The following PPP3CC variants were observed in gnomAD, a reference collection of about 807,000 sequenced individuals.
PPP3CC encodes the protein protein phosphatase 3 catalytic subunit gamma.
A neutral mutation model predicts 60.3 loss-of-function variants in PPP3CC; 35 were observed. The ratio of observed to expected loss-of-function variants is 0.58; its 90% CI spans 0.44 to 0.77. The LOEUF (loss-of-function observed/expected upper bound fraction) is 0.77, where lower values mean the gene tolerates loss of function less well. PPP3CC is among the 30% of genes least tolerant of loss of function. The pLI is 0.00. For missense variants in PPP3CC, 570 were observed against 628.9 expected (o/e 0.91, Z 1.00); for synonymous variants, 206 against 224.3 (o/e 0.92, Z 0.73).
chr8:22,528,306 G>A (rs1270624256), intron 9 of PPP3CC, among the ~76,000 whole-genome samples, 200 bp from the exon 10 acceptor site: 1 of 152,162 alleles, frequency 6.6e-6, no homozygotes, highest in Non-Finnish European at 1.5e-5. Flanking sequence ...GACTTTTACT[G>A]GAGCAAGTAA....
intron 2 of PPP3CC, 37 bp from the exon 3 acceptor site, chr8:22,475,463 T>A (rs781505513): frequency 6.3e-7 from 1 of 1,586,578 alleles, no homozygotes. Flanking sequence ...TCTTCTAAGG[T>A]ATAATTTCTC....
chr8:22,476,129 CTT>C (rs1837880970), intron 3 of PPP3CC, among the ~76,000 whole-genome samples: 1 of 152,146 alleles, frequency 6.6e-6, no homozygotes, highest in Non-Finnish European at 1.5e-5. Flanking sequence ...TTAATTAAAA[CTT>C]ATACTTTCCT....
chr8:22,534,034 A>C (rs559816127), intron 12 of PPP3CC, among the ~76,000 whole-genome samples: 1 of 151,932 alleles, frequency 6.6e-6, no homozygotes, highest in Non-Finnish European at 1.5e-5. Flanking sequence ...CCCCACCTCT[A>C]CTAAAAATAC....
intron 10 of PPP3CC, 64 bp downstream of exon 10, chr8:22,528,641 G>A: frequency 8.5e-7 from 1 of 1,177,978 alleles, no homozygotes; most frequent in Non-Finnish European, 1.2e-6. Context: ...AGTTGTTTTA[G>A]TTTATTTTGA....
At chr8:22,464,266 A>G in intron 1 of PPP3CC, among the ~76,000 whole-genome samples, 1 of 152,302 alleles carries the variant, frequency 6.6e-6, no homozygotes, top group East Asian at 1.9e-4. Flanking sequence ...AATTTTTATA[A>G]TCCTTTAAAA....
chr8:22,445,318 A>G (rs906336436), intron 1 of PPP3CC, among the ~76,000 whole-genome samples: 1 of 151,488 alleles, frequency 6.6e-6, no homozygotes, highest in Non-Finnish European at 1.5e-5. Flanking sequence ...TCTTTCCACA[A>G]CTCTCCCCCG....
chr8:22,441,241 C>T lies in PPP3CC; in HGVS notation c.-169C>T. 1.8e-6 allele frequency: 1 copy of T among 541,612 alleles called. No individual in the cohort carries two copies. The highest frequency in any genetic ancestry group is 3.0e-6 in the Non-Finnish European group (1 of 328,736). The allele number at this position is 541,612 out of a possible 1,614,324, so 33.6% of individuals were successfully genotyped here. On this transcript the variant is annotated 5_prime_UTR_variant, in exon 1 of 14. Transcript: ENST00000240139. ...TCCTGTCAGTGGCGTCGGAGGCCGG[C>T]GCTGCGGTGGCCGCGCCCTTCTGGT...
chr8:22,466,749 A>C (rs1837533174), intron 1 of PPP3CC, among the ~76,000 whole-genome samples: 1 of 151,936 alleles, frequency 6.6e-6, no homozygotes, highest in Non-Finnish European at 1.5e-5. Flanking sequence ...AGATTGCAAA[A>C]ATTTTTTCTG....
At chr8:22,513,213 T>A in intron 5 of PPP3CC, 80 bp from the exon 6 acceptor site, 1 of 1,405,574 alleles carries the variant, frequency 7.1e-7, no homozygotes, top group Non-Finnish European at 9.5e-7. Flanking sequence ...GTGAAAGGGG[T>A]TTTTCTTTGA....
chr8:22,489,817 A>AT (rs1838345833), intron 3 of PPP3CC, among the ~76,000 whole-genome samples: 1 of 142,650 alleles, frequency 7.0e-6, no homozygotes, highest in Non-Finnish European at 1.5e-5. Context: ...ATAACAAATA[A>AT]ATATATATAT....
At chr8:22,454,201 A>T (rs1336791754) in intron 1 of PPP3CC, among the ~76,000 whole-genome samples, 1 of 152,142 alleles carries the variant, frequency 6.6e-6, no homozygotes, top group Non-Finnish European at 1.5e-5. Flanking sequence ...AGCTTTTACG[A>T]TTTCAAACAT....
intron 1 of PPP3CC, among the ~76,000 whole-genome samples, chr8:22,471,234 T>A (rs1418595562): frequency 6.6e-6 from 1 of 152,114 alleles, no homozygotes; most frequent in Non-Finnish European, 1.5e-5. Context: ...AAATGCTAAC[T>A]TTTATCTACA....
chr8:22,471,216 A>G (rs537296535), intron 1 of PPP3CC, among the ~76,000 whole-genome samples: 1 of 152,228 alleles, frequency 6.6e-6, no homozygotes, highest in Non-Finnish European at 1.5e-5. Context: ...CCAAAGCACA[A>G]ATTATTAAAA....
intron 3 of PPP3CC, among the ~76,000 whole-genome samples, chr8:22,497,345 T>A (rs1037392692): frequency 1.4e-4 from 21 of 151,072 alleles, no homozygotes; most frequent in African/African-American, 5.1e-4. Flanking sequence ...TTTTTTTTTT[T>A]AAAGATGGAG....
rs1586792003 is a variant in PPP3CC, at chr8:22,457,945, G to GGCGTGCCA, written c.49+16487_49+16488insGCGTGCCA. Reference sequence around the variant, plus strand: ...CGTCTCTACTAAAAATACAAAATTAGCCAGGCGTGGTGGCACATGCCTGTA... The same window carrying GGCGTGCCA: ...CGTCTCTACTAAAAATACAAAATTAGGCGTGCCACCAGGCGTGGTGGCACATGCCTGTA... On this transcript the variant is annotated intron_variant, in intron 1 of 13. Transcript: ENST00000240139. Among the ~76,000 whole-genome samples the GGCGTGCCA allele has an allele frequency of 3.3e-5, 5 of 152,060 alleles. No homozygotes were observed. The East Asian group carries it at 9.8e-4, about 30-fold the overall frequency.
At chr8:22,523,544 C>T in intron 8 of PPP3CC, 1 of 318,910 alleles carries the variant, frequency 3.1e-6, no homozygotes, top group South Asian at 2.5e-5. Context: ...GAGTATTGTC[C>T]CTTCAAAGTA....
At chr8:22,520,579 G>T (rs147705341) in intron 6 of PPP3CC, among the ~76,000 whole-genome samples, 18 of 151,952 alleles carry the variant, frequency 1.2e-4, no homozygotes, top group East Asian at 1.9e-4. Flanking sequence ...CTTTTCTTCT[G>T]CCTGAGTCTG....
chr8:22,446,073 G>C (rs1020344134), intron 1 of PPP3CC, among the ~76,000 whole-genome samples: 1 of 152,056 alleles, frequency 6.6e-6, no homozygotes, highest in African/African-American at 2.4e-5. Flanking sequence ...TTTTAAAATA[G>C]GATTAAAAAT....
At chr8:22,459,465 G>A (rs1252994282) in intron 1 of PPP3CC, among the ~76,000 whole-genome samples, 2 of 151,946 alleles carry the variant, frequency 1.3e-5, no homozygotes, top group Non-Finnish European at 2.9e-5. Context: ...ATGTGTGTGT[G>A]TGTGTGTGTG....
Sources: allele counts gnomAD v4.1 joint callset (sites outside exome capture counted in the v4.1 genomes callset), GRCh38; gene constraint gnomAD v4.1.1; transcripts MANE v1.5; gene names NCBI Gene and HGNC (gene_info 2026-07-23, HGNC 2026-07-21).